The following GATM variants were observed in gnomAD, a reference collection of about 807,000 sequenced individuals.
GATM encodes the protein glycine amidinotransferase, also known as glycine amidinotransferase, mitochondrial.
A neutral mutation model predicts 54.2 loss-of-function variants in GATM; 23 were observed. The observed-to-expected ratio is 0.42, with a 90% CI of 0.31 to 0.60. The LOEUF is 0.60. Ranked by LOEUF, GATM falls within the 20% of genes least tolerant of loss-of-function variation. GATM has a pLI of 0.14. For missense variants in GATM, 401 were observed against 544.9 expected, an observed-to-expected ratio of 0.74 and a Z score of 2.63; for synonymous variants, 168 against 183.1, an observed-to-expected ratio of 0.92 and a Z score of 0.67.
intron 2 of GATM, chr15:45,373,112 A>G (rs1181397127): frequency 1.3e-5 from 2 of 152,236 alleles, no homozygotes; most frequent in Non-Finnish European, 2.9e-5. Context: ...ATCCAGCTGT[A>G]AGCTTATATT....
At chr15:45,367,578 A>C (rs1279376541) in intron 4 of GATM, among the ~76,000 whole-genome samples, 2 of 152,154 alleles carry the variant, frequency 1.3e-5, no homozygotes, top group Non-Finnish European at 2.9e-5. Flanking sequence ...TTGATTTTTA[A>C]ATTTTTTTCT....
intron 1 of GATM, 62 bp from the exon 2 acceptor site, chr15:45,376,881 G>C: frequency 6.9e-7 from 1 of 1,457,846 alleles, no homozygotes; most frequent in Non-Finnish European, 9.4e-7. Flanking sequence ...ACAGAGAGGA[G>C]GAAGTGGAGA....
At chr15:45,394,784 A>C (rs1203441107) in intron 3 of GATM, among the ~76,000 whole-genome samples, 1 of 152,230 alleles carries the variant, frequency 6.6e-6, no homozygotes, top group Non-Finnish European at 1.5e-5. Context: ...GATGGGGTGA[A>C]TAATGTAATT....
At chr15:45,388,260 G>T (rs1889827663) in intron 3 of GATM, among the ~76,000 whole-genome samples, 2 of 152,118 alleles carry the variant, frequency 1.3e-5, no homozygotes, top group Non-Finnish European at 2.9e-5. Flanking sequence ...GAGTTTGTGG[G>T]AAATTTTGTT....
chr15:45,380,308 C>A (rs972860493), upstream of GATM, among the ~76,000 whole-genome samples: 8 of 151,282 alleles, frequency 5.3e-5, no homozygotes, highest in Admixed American at 2.0e-4. Context: ...AATAAGGAGG[C>A]CCCCAAATGC....
intron 3 of GATM, among the ~76,000 whole-genome samples, chr15:45,388,389 A>C (rs1889831010): frequency 6.6e-6 from 1 of 152,226 alleles, no homozygotes. Context: ...ACATTTGCTA[A>C]AACTAAGCTA....
intron 3 of GATM, among the ~76,000 whole-genome samples, chr15:45,387,598 T>C (rs760095698): frequency 6.6e-6 from 1 of 152,250 alleles, no homozygotes; most frequent in African/African-American, 2.4e-5. Flanking sequence ...TCGCCAGACC[T>C]CTGGAGAGCA....
At chr15:45,386,302 C>G (rs554301324) in intron 3 of GATM, among the ~76,000 whole-genome samples, 2 of 152,264 alleles carry the variant, frequency 1.3e-5, no homozygotes, top group East Asian at 3.9e-4. Flanking sequence ...AATGGGTAAC[C>G]TTTATATTCT....
intron 1 of GATM, 40 bp from the exon 2 acceptor site, chr15:45,376,859 C>G (rs1399549836): frequency 6.5e-7 from 1 of 1,532,098 alleles, no homozygotes; most frequent in Non-Finnish European, 8.9e-7. Flanking sequence ...TTGCATTGCT[C>G]TATCAGTACT....
intron 3 of GATM, among the ~76,000 whole-genome samples, chr15:45,391,113 A>G (rs1285528746): frequency 3.3e-5 from 5 of 152,136 alleles, no homozygotes; most frequent in Non-Finnish European, 5.9e-5. Context: ...ATACGTTTCA[A>G]AACAACGTTG....
rs761384746 is a variant in GATM at position 45,366,467 on chromosome 15, A to G, written c.717T>C (p.Ala239=). The change falls in exon 5 of 9, where the codon GCT becomes GCC. Residue 239 remains alanine, a synonymous_variant. Transcript: ENST00000396659. ...IHSVEDRHKL[A]AQGKFVTTEF... ...CAGTTGTCACAAATTTTCCCTGAGCAGCCAATTTGTGTCTGTCTTCTACAG... is the reference window on the plus strand; with the variant it reads ...CAGTTGTCACAAATTTTCCCTGAGCGGCCAATTTGTGTCTGTCTTCTACAG... The G allele has an allele frequency of 6.2e-7, 1 of 1,614,194 alleles. No homozygotes were observed. Among genetic ancestry groups the G allele is most frequent in the Non-Finnish European group, 8.5e-7 (1 of 1,180,020 alleles).
chr15:45,369,308 T>A lies in GATM; in HGVS notation c.484+18A>T. On this transcript the variant is annotated intron_variant, in intron 3 of 8. Transcript: ENST00000396659. The stretch of plus-strand genomic sequence containing the variant: ...GAAAATTCAGACACTGGCAGTTTAG[T>A]TATCTGACATCACTTACCCGTAGAC... The A allele has an allele frequency of 6.2e-7, 1 of 1,607,672 alleles. No individual in the cohort carries two copies. The highest frequency in any genetic ancestry group is 8.5e-7 in the Non-Finnish European group (1 of 1,174,136).
chr15:45,376,506 G>A, intron 2 of GATM, 95 bp downstream of exon 2: 1 of 987,774 alleles, frequency 1.0e-6, no homozygotes, highest in African/African-American at 1.6e-5. Context: ...TGGATTGAGA[G>A]GTCTGGGAGT....
chr15:45,367,033 C>A (rs1889461283), intron 4 of GATM, among the ~76,000 whole-genome samples: 1 of 152,070 alleles, frequency 6.6e-6, no homozygotes, highest in Non-Finnish European at 1.5e-5. Flanking sequence ...TGAAGGGGCA[C>A]TATGTACTTA....
chr15:45,386,638 T>C (rs1889806983), intron 3 of GATM, among the ~76,000 whole-genome samples: 1 of 152,216 alleles, frequency 6.6e-6, no homozygotes, highest in African/African-American at 2.4e-5. Context: ...AGTCTGTGCT[T>C]GCTATTTCGC....
chr15:45,388,745 T>G lies in GATM; in HGVS notation c.-319+8177A>C, dbSNP rs11070455. On this transcript the variant is annotated intron_variant, in intron 3 of 4. Coordinates refer to the GATM transcript ENST00000561148. Reference sequence around the variant, plus strand: ...GTATCGTATCAGGTAGTATGTAATATTCTCATATCACTGATGGTATTAACC... The same window carrying G: ...GTATCGTATCAGGTAGTATGTAATAGTCTCATATCACTGATGGTATTAACC... Among the ~76,000 whole-genome samples, 1,056 of 152,314 alleles carry G rather than the reference T, an allele frequency of 6.9e-3. 9 individuals are homozygous for G. The highest frequency in any genetic ancestry group is 0.022 in the African/African-American group (933 of 41,544).
chr15:45,370,919 G>A (rs1384233088), intron 2 of GATM, among the ~76,000 whole-genome samples: 1 of 152,052 alleles, frequency 6.6e-6, no homozygotes, highest in African/African-American at 2.4e-5. Context: ...GATTACAGGC[G>A]CATGCCACCA....
chr15:45,389,786 C>A (rs1460327366), intron 3 of GATM, among the ~76,000 whole-genome samples: 1 of 152,192 alleles, frequency 6.6e-6, no homozygotes, highest in African/African-American at 2.4e-5. Flanking sequence ...ATAGGAATCA[C>A]TTGGGGAGCT....
At chr15:45,399,794 G>A (rs1889977172) in intron 1 of GATM, among the ~76,000 whole-genome samples, 2 of 152,212 alleles carry the variant, frequency 1.3e-5, no homozygotes, top group Non-Finnish European at 2.9e-5. Flanking sequence ...TTCAGGCTTA[G>A]TTGGTTCTGG....
Sources: allele counts gnomAD v4.1 joint callset (sites outside exome capture counted in the v4.1 genomes callset), GRCh38; gene constraint gnomAD v4.1.1; transcripts MANE v1.5; gene names NCBI Gene and HGNC (gene_info 2026-07-23, HGNC 2026-07-21).